The following CSRNP3 variants were observed in gnomAD, a reference collection of about 807,000 sequenced individuals.
The protein encoded by CSRNP3 is cysteine and serine rich nuclear protein 3.
CSRNP3 carries 12 observed loss-of-function variants against 48.0 expected under a neutral mutation model. That is an observed-to-expected ratio of 0.25 (90% CI 0.16 to 0.41). The LOEUF (loss-of-function observed/expected upper bound fraction) is 0.41, where lower values mean the gene tolerates loss of function less well. Among genes scored for constraint, CSRNP3 ranks in the 10% least tolerant of loss-of-function variants. The pLI, the probability that CSRNP3 is intolerant of heterozygous loss-of-function variation, is 1.00. For missense variants in CSRNP3, 580 were observed against 724.4 expected (o/e 0.80, Z 2.29); for synonymous variants, 263 against 269.7 (o/e 0.98, Z 0.24).
intron 3 of CSRNP3, among the ~76,000 whole-genome samples, chr2:165,534,318 T>C (rs1684854145): frequency 6.6e-6 from 1 of 152,062 alleles, no homozygotes. Context: ...TATCTGTTTC[T>C]GAAGTCATCT....
At chr2:165,577,941 T>C (rs955266039) in intron 3 of CSRNP3, among the ~76,000 whole-genome samples, 2 of 152,018 alleles carry the variant, frequency 1.3e-5, no homozygotes, top group African/African-American at 4.8e-5. Flanking sequence ...GCAAAATTTA[T>C]TTTTAGTTTG....
chr2:165,495,228 A>G (rs1486832660), intron 2 of CSRNP3, among the ~76,000 whole-genome samples: 3 of 152,014 alleles, frequency 2.0e-5, no homozygotes, highest in East Asian at 1.9e-4. Flanking sequence ...TTTGAAATCT[A>G]ATCAGTTAAG....
intron 5 of CSRNP3, among the ~76,000 whole-genome samples, chr2:165,667,811 A>G (rs559888792): frequency 1.3e-5 from 2 of 152,264 alleles, no homozygotes; most frequent in East Asian, 3.8e-4. Context: ...ACTTGCACAT[A>G]TATTTTGTGC....
At chr2:165,589,191 G>C (rs1217947858) in intron 3 of CSRNP3, among the ~76,000 whole-genome samples, 1 of 151,722 alleles carries the variant, frequency 6.6e-6, no homozygotes, top group Non-Finnish European at 1.5e-5. Context: ...AAACAAATCG[G>C]GTATACAACA....
At position 165,539,086 on chromosome 2, in the gene CSRNP3, T is replaced by C. The variant is rs72877728; in HGVS notation, c.-24+21125T>C. 1.0e-2 allele frequency among the ~76,000 whole-genome samples: 1,515 copies of C among 152,134 alleles called. 10 individuals are homozygous for C. The highest frequency in any genetic ancestry group is 0.031 in the Middle Eastern group (9 of 294). ...GGGTCAAAATTTTCATTAAGTCTTA[T>C]CGTTTTCTTTAAAATTTATGCAACC... On this transcript the variant is annotated intron_variant, in intron 3 of 6. Transcript: ENST00000651982.
intron 5 of CSRNP3, among the ~76,000 whole-genome samples, chr2:165,666,364 A>G (rs1426321003): frequency 1.1e-5 from 1 of 90,546 alleles, no homozygotes; most frequent in Non-Finnish European, 2.5e-5. Context: ...GGAAGGAAGG[A>G]AAGAGAGAGG....
intron 1 of CSRNP3, among the ~76,000 whole-genome samples, chr2:165,482,810 C>T (rs1057095442): frequency 3.9e-5 from 6 of 152,046 alleles, no homozygotes; most frequent in East Asian, 1.9e-4. Context: ...ATTTTTCTAC[C>T]GTGTCTCCAA....
chr2:165,666,393 A>G (rs1170696658), intron 5 of CSRNP3, among the ~76,000 whole-genome samples: 4 of 41,128 alleles, frequency 9.7e-5, no homozygotes, highest in African/African-American at 2.0e-4. Flanking sequence ...GAGAGAGAGA[A>G]AGGAAGGAAG....
At chr2:165,567,698 G>T (rs1219867553) in intron 3 of CSRNP3, among the ~76,000 whole-genome samples, 2 of 151,756 alleles carry the variant, frequency 1.3e-5, no homozygotes, top group Non-Finnish European at 2.9e-5. Flanking sequence ...AAAATTATCT[G>T]TTTTTTATCT....
chr2:165,498,311 A>G (rs1245953687), intron 2 of CSRNP3, among the ~76,000 whole-genome samples: 3 of 152,162 alleles, frequency 2.0e-5, no homozygotes, highest in Non-Finnish European at 4.4e-5. Flanking sequence ...ATCAAGGGTT[A>G]GTTCATTTAC....
rs1687516980 is a variant in CSRNP3 at position 165,680,583 on chromosome 2, G to T, written c.*830G>T. The T allele has an allele frequency of 4.6e-5, 7 of 152,462 alleles. No homozygotes were observed. The South Asian group carries it at 1.5e-3, about 32-fold the overall frequency. 9.4% of individuals were successfully genotyped at this position (152,462 alleles called of 1,614,324 possible). ...TTAAACAGCATCATCTTGATTCTTA[G>T]CTTGGACAGCACCTTTAAGCTCTAC... On this transcript the variant is annotated 3_prime_UTR_variant, in exon 7 of 7. Transcript: ENST00000651982.
intron 3 of CSRNP3, among the ~76,000 whole-genome samples, chr2:165,590,451 T>TA (rs1685698108): frequency 6.6e-6 from 1 of 152,210 alleles, no homozygotes; most frequent in South Asian, 2.1e-4. Flanking sequence ...ACATATACAA[T>TA]AGTTACTATT....
intron 4 of CSRNP3, among the ~76,000 whole-genome samples, chr2:165,613,883 G>A (rs1686181412): frequency 6.6e-6 from 1 of 151,386 alleles, no homozygotes. Flanking sequence ...GCTATTCAGG[G>A]TCTTTTGTAG....
rs529601529 is a variant in CSRNP3, at chr2:165,559,027, C to T, written c.-23-36016C>T. ...TAAATCATCTATGGTACAGCATAGA[C>T]TAGAGGGCAGCATAGGCTTCAGTAA... On this transcript the variant is annotated intron_variant, in intron 3 of 6. Coordinates refer to ENST00000651982, the MANE Select transcript of CSRNP3 (RefSeq NM_001172173.2). Among the ~76,000 whole-genome samples the T allele has an allele frequency of 9.3e-4, 142 of 152,104 alleles. 7 individuals carry two copies. The South Asian group carries it at 0.029, about 31-fold the overall frequency.
chr2:165,522,586 G>A (rs1294556320), intron 3 of CSRNP3, among the ~76,000 whole-genome samples: 2 of 151,846 alleles, frequency 1.3e-5, no homozygotes, highest in African/African-American at 4.8e-5. Context: ...GCAATCATTG[G>A]GGTGATTACA....
intron 1 of CSRNP3, among the ~76,000 whole-genome samples, chr2:165,471,972 C>T (rs1683900581): frequency 6.6e-6 from 1 of 151,950 alleles, no homozygotes; most frequent in Non-Finnish European, 1.5e-5. Context: ...GAAGGCATCA[C>T]CATTTTTTTT....
chr2:165,534,442 T>A (rs975074971), intron 3 of CSRNP3, among the ~76,000 whole-genome samples: 2 of 151,986 alleles, frequency 1.3e-5, no homozygotes, highest in African/African-American at 4.8e-5. Flanking sequence ...TTCTTTACAA[T>A]ACTTTTGGAA....
chr2:165,663,254 T>C (rs558702682), intron 5 of CSRNP3, among the ~76,000 whole-genome samples: 53 of 152,328 alleles, frequency 3.5e-4, no homozygotes, highest in African/African-American at 1.3e-3. Context: ...TATTTCCCCA[T>C]ACTCTGATTC....
intron 2 of CSRNP3, among the ~76,000 whole-genome samples, chr2:165,498,783 G>C (rs977916906): frequency 6.6e-6 from 1 of 152,058 alleles, no homozygotes; most frequent in African/African-American, 2.4e-5. Flanking sequence ...ATCGTTTGAA[G>C]GATATGGCTT....
Sources: gnomAD v4.1 joint callset for allele counts (sites outside exome capture counted in the v4.1 genomes callset) on GRCh38, gnomAD v4.1.1 for gene constraint, MANE v1.5 for transcripts, NCBI Gene and HGNC (gene_info 2026-07-23, HGNC 2026-07-21) for gene names.